The following SNAP25 variants were observed in gnomAD, a reference collection of about 807,000 sequenced individuals.
The protein encoded by SNAP25 is synaptosome associated protein 25, also known as synaptosomal-associated protein 25.
SNAP25 carries 3 observed loss-of-function variants against 28.7 expected under a neutral mutation model. The ratio of observed to expected loss-of-function variants is 0.10; its 90% CI spans 0.05 to 0.27. The LOEUF (loss-of-function observed/expected upper bound fraction) is 0.27. Among genes scored for constraint, SNAP25 ranks in the 10% least tolerant of loss-of-function variants. The pLI is 1.00. For missense variants in SNAP25, 117 were observed against 278.7 expected, an observed-to-expected ratio of 0.42 and a Z score of 4.13; for synonymous variants, 61 against 88.1, an observed-to-expected ratio of 0.69 and a Z score of 1.72.
chr20:10,234,922 G>T (rs1568575932), intron 1 of SNAP25, among the ~76,000 whole-genome samples: 1 of 152,202 alleles, frequency 6.6e-6, no homozygotes. Context: ...GATTAGCTGG[G>T]CATGGTGATG....
Position 10,268,842 on chromosome 20 carries a change from T to C in SNAP25, c.-63-6587T>C, listed in dbSNP as rs189424674. Among the ~76,000 whole-genome samples, 22 of 152,178 alleles carry C rather than the reference T, an allele frequency of 1.4e-4. 1 individual carries two copies. The highest frequency in any genetic ancestry group is 1.4e-3 in the Admixed American group (22 of 15,276). On this transcript the variant is annotated intron_variant, in intron 1 of 7. Coordinates refer to ENST00000254976, the MANE Select transcript of SNAP25 (RefSeq NM_130811.4). ...CCTGCCCACCGTGAAGCAAGTATCT[T>C]GACAGTGACAGACCCTCAGATGTTT...
At chr20:10,245,730 A>G (rs2063116215) in intron 1 of SNAP25, among the ~76,000 whole-genome samples, 1 of 152,166 alleles carries the variant, frequency 6.6e-6, no homozygotes, top group Non-Finnish European at 1.5e-5. Flanking sequence ...TTCCCACACA[A>G]TAAGTGCTCA....
At chr20:10,220,556 G>A (rs2062610111) in intron 1 of SNAP25, among the ~76,000 whole-genome samples, 1 of 152,230 alleles carries the variant, frequency 6.6e-6, no homozygotes, top group Non-Finnish European at 1.5e-5. Context: ...TTTTGCTGAG[G>A]TGGTAATAAC....
chr20:10,253,441 G>T (rs764250333), intron 1 of SNAP25, among the ~76,000 whole-genome samples: 2 of 152,134 alleles, frequency 1.3e-5, no homozygotes, highest in Non-Finnish European at 2.9e-5. Flanking sequence ...GAACCCCTCT[G>T]TGTTTTGGTT....
intron 1 of SNAP25, among the ~76,000 whole-genome samples, chr20:10,249,053 G>A (rs2063179168): frequency 6.6e-6 from 1 of 152,178 alleles, no homozygotes; most frequent in South Asian, 2.1e-4. Context: ...TCAAGTCTAT[G>A]TTATATCCAT....
chr20:10,283,021 C>G (rs558612941), intron 3 of SNAP25, among the ~76,000 whole-genome samples: 20 of 152,238 alleles, frequency 1.3e-4, no homozygotes, highest in Non-Finnish European at 1.3e-4. Context: ...CTACCCTAGC[C>G]CTACTGAATC....
At chr20:10,234,834 A>G (rs1052617134) in intron 1 of SNAP25, among the ~76,000 whole-genome samples, 1 of 152,212 alleles carries the variant, frequency 6.6e-6, no homozygotes, top group Non-Finnish European at 1.5e-5. Flanking sequence ...TATGGTGAAG[A>G]TATACTGAAG....
At chr20:10,259,948 C>G (rs1010145785) in intron 1 of SNAP25, among the ~76,000 whole-genome samples, 1 of 152,196 alleles carries the variant, frequency 6.6e-6, no homozygotes, top group African/African-American at 2.4e-5. Context: ...TTGCACATCA[C>G]CTGATCCAAC....
chr20:10,282,086 AC>A (rs2063786689), intron 3 of SNAP25, among the ~76,000 whole-genome samples: 1 of 151,734 alleles, frequency 6.6e-6, no homozygotes, highest in Admixed American at 6.6e-5. Flanking sequence ...GCATTTGTCT[AC>A]CCGTTATCCT....
At chr20:10,302,815 T>C (rs1302372364) in intron 7 of SNAP25, among the ~76,000 whole-genome samples, 2 of 151,956 alleles carry the variant, frequency 1.3e-5, no homozygotes, top group African/African-American at 4.8e-5. Context: ...CTAATTCTTT[T>C]ATATAATAAA....
At chr20:10,239,090 A>G (rs182356458) in intron 1 of SNAP25, among the ~76,000 whole-genome samples, 23 of 152,294 alleles carry the variant, frequency 1.5e-4, no homozygotes, top group Admixed American at 9.2e-4. Flanking sequence ...GCCCTGGTAT[A>G]GATTAGGGAG....
At chr20:10,285,150 AT>A (rs1483113296) in intron 4 of SNAP25, among the ~76,000 whole-genome samples, 5 of 152,296 alleles carry the variant, frequency 3.3e-5, no homozygotes, top group Admixed American at 3.3e-4. Flanking sequence ...CGTAGATAGA[AT>A]GAGCGTATGG....
At chr20:10,259,217 A>C (rs1395591503) in intron 1 of SNAP25, among the ~76,000 whole-genome samples, 3 of 152,190 alleles carry the variant, frequency 2.0e-5, no homozygotes, top group African/African-American at 7.2e-5. Context: ...TTTTGATATG[A>C]GATTATCAGA....
At chr20:10,267,486 T>G (rs2063524534) in intron 1 of SNAP25, among the ~76,000 whole-genome samples, 1 of 152,184 alleles carries the variant, frequency 6.6e-6, no homozygotes, top group Non-Finnish European at 1.5e-5. Flanking sequence ...ACCTGTCAAA[T>G]CACTCTGTGT....
In SNAP25 at chr20:10,293,608, G is replaced by A. The variant is rs2064044470; in HGVS notation, c.281+330G>A. 6.6e-6 allele frequency among the ~76,000 whole-genome samples: 1 copy of A among 152,180 alleles called. No homozygotes were observed. The highest frequency in any genetic ancestry group is 2.4e-5 in the African/African-American group (1 of 41,440). ...GGAACTTCCTTTTCCCCAACCCCAA[G>A]AGTCAAAATTACAGATTTAGAAAAG... On this transcript the variant is annotated intron_variant, in intron 5 of 7. Transcript: ENST00000254976. This position sits in a 1 kb window ranked among gnomAD's most constrained non-coding sequence, Gnocchi z 5.6.
At chr20:10,273,040 C>T (rs2063625259) in intron 1 of SNAP25, among the ~76,000 whole-genome samples, 1 of 152,136 alleles carries the variant, frequency 6.6e-6, no homozygotes, top group Admixed American at 6.5e-5. Flanking sequence ...GCAATAGAAT[C>T]GTGGACCTGG....
chr20:10,241,334 A>G (rs1462129152), intron 1 of SNAP25, among the ~76,000 whole-genome samples: 1 of 152,054 alleles, frequency 6.6e-6, no homozygotes. Context: ...TTCATCATGC[A>G]CAGTTGCAGC....
At position 10,293,332 on chromosome 20, in the gene SNAP25, C is replaced by A. The variant is rs2064038890; in HGVS notation, c.281+54C>A. ...TGATTTCCCAAGGCCCATCTCCAAG[C>A]CTTGACAAGCTCATTCCTGCCAAGC... is the stretch of plus-strand genomic sequence containing the variant. On this transcript the variant is annotated intron_variant, in intron 5 of 7. Coordinates refer to ENST00000254976, the MANE Select transcript of SNAP25 (RefSeq NM_130811.4). The surrounding 1 kb of genome is among the most constrained non-coding windows in gnomAD (Gnocchi z 5.6). 10 of 1,375,392 alleles carry A rather than the reference C, an allele frequency of 7.3e-6. No individual in the cohort carries two copies. Among genetic ancestry groups the A allele is most frequent in the Non-Finnish European group, 9.3e-6 (9 of 964,146 alleles). The allele number at this position is 1,375,392 out of a possible 1,614,324, so 85.2% of individuals were successfully genotyped here.
chr20:10,249,852 G>A (rs1283592204), intron 1 of SNAP25, among the ~76,000 whole-genome samples: 1 of 152,064 alleles, frequency 6.6e-6, no homozygotes. Flanking sequence ...TAACCCTCTG[G>A]AAAGTTAAAA....
Sources: allele counts gnomAD v4.1 joint callset (sites outside exome capture counted in the v4.1 genomes callset), GRCh38; gene constraint gnomAD v4.1.1; non-coding constraint Gnocchi (gnomAD v3.1); transcripts MANE v1.5; gene names NCBI Gene and HGNC (gene_info 2026-07-23, HGNC 2026-07-21).